The following HDLBP variants were observed in gnomAD, a reference collection of about 807,000 sequenced individuals.
The protein encoded by HDLBP is high density lipoprotein binding protein.
A neutral mutation model predicts 137.3 loss-of-function variants in HDLBP; 30 were observed. That is an observed-to-expected ratio of 0.22 (90% CI 0.16 to 0.30). The LOEUF (loss-of-function observed/expected upper bound fraction) is 0.30. Ranked by LOEUF, HDLBP falls within the 10% of genes least tolerant of loss-of-function variation. The pLI is 1.00. For missense variants in HDLBP, 1,119 were observed against 1,667.3 expected, an observed-to-expected ratio of 0.67 and a Z score of 5.73; for synonymous variants, 606 against 596.0, an observed-to-expected ratio of 1.02 and a Z score of -0.24.
At chr2:241,276,818 T>C (rs1053515231) in intron 1 of HDLBP, among the ~76,000 whole-genome samples, 1 of 152,018 alleles carries the variant, frequency 6.6e-6, no homozygotes, top group Non-Finnish European at 1.5e-5. Flanking sequence ...CTAGGAGAAA[T>C]TGATATATCC....
rs1197440152 is a variant in HDLBP at position 241,230,419 on chromosome 2, C to T, written c.3475-150G>A. The T allele has an allele frequency of 3.2e-6, 2 of 621,048 alleles. No individual in the cohort carries two copies. Among genetic ancestry groups the T allele is most frequent in the African/African-American group, 3.7e-5 (2 of 54,362 alleles). 38.5% of individuals were successfully genotyped at this position (621,048 alleles called of 1,614,324 possible). A position where few individuals can be genotyped will look rare whatever the true frequency, so the allele number is the denominator to read the frequency against. On this transcript the variant is annotated intron_variant, in intron 25 of 27. Coordinates refer to ENST00000310931, the MANE Select transcript of HDLBP (RefSeq NM_005336.6). This position sits in a 1 kb window ranked among gnomAD's most constrained non-coding sequence, Gnocchi z 5.0. ...GTTCTGAAGTCAGTCAGCCTCATCA[C>T]CACACCAAGTTAGGTGTATCTCAGG...
intron 24 of HDLBP, among the ~76,000 whole-genome samples, chr2:241,232,699 A>C (rs2149332298): frequency 6.6e-6 from 1 of 152,254 alleles, no homozygotes; most frequent in South Asian, 2.1e-4. Context: ...CTGTAGTCCC[A>C]GCTACTTGGG....
intron 1 of HDLBP, among the ~76,000 whole-genome samples, chr2:241,304,184 A>G (rs1158663922): frequency 3.3e-5 from 5 of 152,228 alleles, no homozygotes; most frequent in Non-Finnish European, 7.3e-5. Flanking sequence ...TCATCCCTCA[A>G]AATACGTATA....
intron 1 of HDLBP, among the ~76,000 whole-genome samples, chr2:241,302,042 G>GCAATATAGCAAAACAGA (rs1276129747): frequency 6.7e-6 from 1 of 149,110 alleles, no homozygotes; most frequent in African/African-American, 2.5e-5. Flanking sequence ...ATCAGCTTGG[G>GCAATATAGCAAAACAGA]CAATATAGCA....
At chr2:241,296,579 T>C (rs920794173) in intron 1 of HDLBP, among the ~76,000 whole-genome samples, 8 of 152,220 alleles carry the variant, frequency 5.3e-5, no homozygotes, top group Non-Finnish European at 1.0e-4. Context: ...GGAAAACATC[T>C]GAATAGGTTA....
Position 241,256,756 on chromosome 2 carries a change from G to A in HDLBP, c.501C>T (p.Gly167=). 6.2e-7 allele frequency: 1 copy of A among 1,614,148 alleles called. No homozygotes were observed. The highest frequency in any genetic ancestry group is 8.5e-7 in the Non-Finnish European group (1 of 1,180,020). ...AGTCTTGCAGTTTCTCTCCATTTTT[G>A]CCAATAACAAAGCGATGGTGTTCTT... The part of the protein sequence containing the change: ...IPKEHHRFVI[G]KNGEKLQDLE... Residue 167 remains glycine, a synonymous_variant, in exon 6 of 28, where the codon GGC becomes GGT. Transcript: ENST00000310931.
Position 241,272,243 on chromosome 2 carries a change from C to A in HDLBP, c.-102-3702G>T. 1 of 966,142 alleles carries A rather than the reference C, an allele frequency of 1.0e-6. No individual in the cohort carries two copies. The highest frequency in any genetic ancestry group is 1.2e-6 in the Non-Finnish European group (1 of 812,428). The allele number at this position is 966,142 out of a possible 1,614,324, so 59.8% of individuals were successfully genotyped here. A position where few individuals can be genotyped will look rare whatever the true frequency, so the allele number is the denominator to read the frequency against. On this transcript the variant is annotated intron_variant, in intron 1 of 27. Transcript: ENST00000310931. This position sits in a 1 kb window ranked among gnomAD's most constrained non-coding sequence, Gnocchi z 5.6. ...GCCCGGTCTGCGCCCAGACCCCCGC[C>A]CCGCCGCCACCTGGGGGGAAGGACC...
At position 241,248,000 on chromosome 2, in the gene HDLBP, T is replaced by C. The variant is rs754390045; in HGVS notation, c.1731+3A>G. The stretch of plus-strand genomic sequence containing the variant: ...TACAAGAAAGGATGTGAAACACCCC[T>C]ACCAGATCTGCCACCATCTTCTGCA... On this transcript the variant is annotated splice_donor_region_variant and intron_variant, in intron 14 of 27. Coordinates refer to ENST00000310931, the MANE Select transcript of HDLBP (RefSeq NM_005336.6). The C allele has an allele frequency of 6.9e-6, 11 of 1,604,208 alleles. No homozygotes were observed. In the African/African-American group the frequency reaches 1.5e-4, roughly 21 times the overall value.
chr2:241,236,588 G>T, intron 21 of HDLBP, 27 bp downstream of exon 21: 1 of 1,611,596 alleles, frequency 6.2e-7, no homozygotes, highest in Non-Finnish European at 8.5e-7. Context: ...CTTGGCGGGG[G>T]GTGGAGGGGG....
intron 1 of HDLBP, among the ~76,000 whole-genome samples, chr2:241,296,352 T>C (rs1658250743): frequency 6.6e-6 from 1 of 152,270 alleles, no homozygotes; most frequent in East Asian, 1.9e-4. Flanking sequence ...TAAAATAAAT[T>C]TCAGCTGGAT....
intron 9 of HDLBP, among the ~76,000 whole-genome samples, chr2:241,253,757 A>G (rs1379166488): frequency 1.3e-5 from 2 of 152,234 alleles, no homozygotes; most frequent in Non-Finnish European, 2.9e-5. Flanking sequence ...AGCCACTAAC[A>G]TAAAGCATGC....
chr2:241,228,417 C>T lies in HDLBP; in HGVS notation c.*1184G>A, dbSNP rs959035114. The T allele has an allele frequency of 3.9e-5, 6 of 152,388 alleles. No individual in the cohort carries two copies. The highest frequency in any genetic ancestry group is 7.3e-5 in the Non-Finnish European group (5 of 68,170). 9.4% of individuals were successfully genotyped at this position (152,388 alleles called of 1,614,324 possible). A position where few individuals can be genotyped will look rare whatever the true frequency, so the allele number is the denominator to read the frequency against. On this transcript the variant is annotated 3_prime_UTR_variant, in exon 28 of 28. Transcript: ENST00000310931. Reference sequence around the variant, plus strand: ...CCATGCCATCGTCTCGGCCCTAGACCGTGAAAACTGCCAGTCACCCGGGAC... The same window carrying T: ...CCATGCCATCGTCTCGGCCCTAGACTGTGAAAACTGCCAGTCACCCGGGAC...
In HDLBP at chr2:241,288,234, C is replaced by T. The variant is rs189314793; in HGVS notation, c.-102-19693G>A. Among the ~76,000 whole-genome samples the T allele has an allele frequency of 6.1e-4, 93 of 152,268 alleles. 1 individual carries two copies. In the East Asian group the frequency reaches 0.016, roughly 26 times the overall value. ...TACAATTGCCACGTTATCTGCAAGACGTCTGAATTAAAATTTTTTTTTGTT... is the reference window on the plus strand; with the variant it reads ...TACAATTGCCACGTTATCTGCAAGATGTCTGAATTAAAATTTTTTTTTGTT... On this transcript the variant is annotated intron_variant, in intron 1 of 27. Transcript: ENST00000310931.
intron 1 of HDLBP, among the ~76,000 whole-genome samples, chr2:241,278,581 T>TG (rs1304215601): frequency 1.4e-5 from 2 of 139,656 alleles, no homozygotes; most frequent in East Asian, 2.1e-4. Context: ...AGACTCCATC[T>TG]CCAAAAAAAA....
At chr2:241,283,474 C>CTT (rs961552851) in intron 1 of HDLBP, among the ~76,000 whole-genome samples, 11 of 142,166 alleles carry the variant, frequency 7.7e-5, no homozygotes, top group East Asian at 6.1e-4. Context: ...TAGATGGCTT[C>CTT]TTTTTTTTTT....
intron 11 of HDLBP, 45 bp downstream of exon 11, chr2:241,252,912 G>A (rs750081039): frequency 1.5e-6 from 2 of 1,350,270 alleles, no homozygotes; most frequent in Non-Finnish European, 2.1e-6. Context: ...CCCCACAAGG[G>A]TCTCAGGGCA....
chr2:241,227,821 T>G lies in HDLBP; in HGVS notation c.*1780A>C, dbSNP rs2069273629. The G allele has an allele frequency of 6.6e-6, 1 of 150,528 alleles. No homozygotes were observed. The highest frequency in any genetic ancestry group is 6.6e-5 in the Admixed American group (1 of 15,254). 9.3% of individuals were successfully genotyped at this position (150,528 alleles called of 1,614,324 possible). A position where few individuals can be genotyped will look rare whatever the true frequency, so the allele number is the denominator to read the frequency against. On this transcript the variant is annotated 3_prime_UTR_variant, in exon 28 of 28. Coordinates refer to ENST00000310931, the MANE Select transcript of HDLBP (RefSeq NM_005336.6). ...GCAGATGGGGAAGAGGTGACAGCCC[T>G]TCCCCACTGGCCTCCCCCGTGGAGG...
chr2:241,258,797 A>G (rs1307042778), intron 5 of HDLBP, among the ~76,000 whole-genome samples: 1 of 152,236 alleles, frequency 6.6e-6, no homozygotes, highest in Non-Finnish European at 1.5e-5. Flanking sequence ...ATGCAAATTT[A>G]AAGTATATTT....
intron 24 of HDLBP, chr2:241,231,147 G>A: frequency 1.9e-6 from 1 of 517,718 alleles, no homozygotes; most frequent in East Asian, 3.4e-5. Flanking sequence ...CACTTTGGGA[G>A]GCCGAGGCAG....
Sources: gnomAD v4.1 joint callset for allele counts (sites outside exome capture counted in the v4.1 genomes callset) on GRCh38, gnomAD v4.1.1 for gene constraint, Gnocchi (gnomAD v3.1) non-coding constraint, MANE v1.5 for transcripts, NCBI Gene and HGNC (gene_info 2026-07-23, HGNC 2026-07-21) for gene names.